The following ICA1L variants were observed in gnomAD, a reference collection of about 807,000 sequenced individuals.
ICA1L encodes the protein islet cell autoantigen 1 like.
ICA1L carries 50 observed loss-of-function variants against 61.3 expected under a neutral mutation model. That is an observed-to-expected ratio of 0.82 (90% CI 0.65 to 1.03). The LOEUF (loss-of-function observed/expected upper bound fraction) is 1.03, where lower values mean the gene tolerates loss of function less well. ICA1L is among the 50% of genes least tolerant of loss of function. The pLI is 0.00. For missense variants in ICA1L, 508 were observed against 556.7 expected (o/e 0.91, Z 0.88); for synonymous variants, 161 against 191.3 (o/e 0.84, Z 1.31).
chr2:202,779,749 G>GA (rs1692335968), intron 12 of ICA1L, 101 bp from the exon 13 acceptor site: 1 of 622,908 alleles, frequency 1.6e-6, no homozygotes, highest in Admixed American at 3.3e-5. Flanking sequence ...TTTGGATTAA[G>GA]AAAAAATTAA....
intron 3 of ICA1L, among the ~76,000 whole-genome samples, chr2:202,823,356 C>T (rs1275076856): frequency 1.3e-5 from 2 of 152,200 alleles, no homozygotes; most frequent in Admixed American, 1.3e-4. Flanking sequence ...TATTTATACA[C>T]AATCTTGAAG....
In ICA1L at chr2:202,774,121, C is replaced by T. The variant is rs1017937748; in HGVS notation, c.*5412G>A. 7.5e-7 allele frequency: 1 copy of T among 1,333,140 alleles called. No homozygotes were observed. The highest frequency in any genetic ancestry group is 1.1e-6 in the Non-Finnish European group (1 of 951,032). 82.6% of individuals were successfully genotyped at this position (1,333,140 alleles called of 1,614,324 possible). A position where few individuals can be genotyped will look rare whatever the true frequency, so the allele number is the denominator to read the frequency against. ...CATCAATGATTGGATAAGCTATTCT[C>T]AACTCTTCATTAATCAATTCATTTG... On this transcript the variant is annotated 3_prime_UTR_variant, in exon 13 of 13. Transcript: ENST00000358299.
intron 1 of ICA1L, among the ~76,000 whole-genome samples, chr2:202,831,128 G>A (rs1694004982): frequency 6.6e-6 from 1 of 152,140 alleles, no homozygotes; most frequent in Non-Finnish European, 1.5e-5. Flanking sequence ...CCACAAAGTG[G>A]CCAATTTTCC....
Position 202,774,636 on chromosome 2 carries a change from G to A in ICA1L, c.*4897C>T, listed in dbSNP as rs1017292589. 14 of 243,628 alleles carry A rather than the reference G, an allele frequency of 5.7e-5. No homozygotes were observed. In the South Asian group the frequency reaches 1.7e-3, roughly 29 times the overall value. The allele number at this position is 243,628 out of a possible 1,614,324, so 15.1% of individuals were successfully genotyped here. ...TGGGAGGGGGCTCAGCCAAGCAGGT[G>A]GGGAGCGGAGAGGCCTAAGACATGG... On this transcript the variant is annotated 3_prime_UTR_variant, in exon 13 of 13. Transcript: ENST00000358299.
intron 6 of ICA1L, among the ~76,000 whole-genome samples, chr2:202,816,373 T>C (rs1004746577): frequency 6.6e-6 from 1 of 152,220 alleles, no homozygotes; most frequent in Admixed American, 6.5e-5. Context: ...GAGGAACATA[T>C]GTGTAATCTT....
rs184807691 is a variant in ICA1L, at chr2:202,849,345, C to T, written c.-7-20329G>A. 7.2e-5 allele frequency among the ~76,000 whole-genome samples: 11 copies of T among 152,268 alleles called. No homozygotes were observed. The East Asian group carries it at 2.1e-3, about 29-fold the overall frequency. ...AGCCAAGTGGTCTCGCTCAGTGGGT[C>T]CCACTCCCACAGAGCCCAGCAAGCT... On this transcript the variant is annotated intron_variant, in intron 1 of 12. Coordinates refer to ENST00000358299, the MANE Select transcript of ICA1L (RefSeq NM_001288622.3). This position sits in a 1 kb window ranked among gnomAD's most constrained non-coding sequence, Gnocchi z 4.5.
intron 8 of ICA1L, among the ~76,000 whole-genome samples, chr2:202,813,618 G>A (rs1559135714): frequency 1.3e-5 from 2 of 152,108 alleles, no homozygotes; most frequent in African/African-American, 4.8e-5. Context: ...TCCAAGGCGC[G>A]TTGGGCTTTA....
chr2:202,828,024 TTGGGCTGGGCACAG>T (rs1302773527), intron 2 of ICA1L, among the ~76,000 whole-genome samples: 1 of 152,134 alleles, frequency 6.6e-6, no homozygotes, highest in African/African-American at 2.4e-5. Context: ...AAATTCAGAC[TTGGGCTGGGCACAG>T]TGGCTTACCT....
chr2:202,845,498 G>A (rs551418906), intron 1 of ICA1L, among the ~76,000 whole-genome samples: 1 of 152,008 alleles, frequency 6.6e-6, no homozygotes, highest in Non-Finnish European at 1.5e-5. Context: ...GTGGTGGCAG[G>A]CACCTGTAAT....
At chr2:202,790,232 A>G (rs1460173728) in intron 10 of ICA1L, among the ~76,000 whole-genome samples, 1 of 152,150 alleles carries the variant, frequency 6.6e-6, no homozygotes, top group African/African-American at 2.4e-5. Context: ...GAAAAATCCC[A>G]TCCCTTAAAC....
intron 4 of ICA1L, 115 bp from the exon 5 acceptor site, chr2:202,820,014 A>T (rs567739276): frequency 1.3e-6 from 1 of 753,946 alleles, no homozygotes; most frequent in South Asian, 1.8e-5. Context: ...CAAGTAAAAA[A>T]TTATTCAGTT....
intron 1 of ICA1L, among the ~76,000 whole-genome samples, chr2:202,859,489 T>C (rs1454722043): frequency 2.6e-5 from 4 of 152,204 alleles, no homozygotes; most frequent in Non-Finnish European, 5.9e-5. Context: ...GTGCTATGAT[T>C]GGCACTGTAA....
rs567744609 is a variant in ICA1L, at chr2:202,840,892, C to T, written c.-7-11876G>A. 63 of 682,448 alleles carry T rather than the reference C, an allele frequency of 9.2e-5. 1 individual carries two copies. The highest frequency in any genetic ancestry group is 4.4e-4 in the South Asian group (31 of 70,714). 42.3% of individuals were successfully genotyped at this position (682,448 alleles called of 1,614,324 possible). A position where few individuals can be genotyped will look rare whatever the true frequency, so the allele number is the denominator to read the frequency against. On this transcript the variant is annotated intron_variant, in intron 1 of 12. Coordinates refer to ENST00000358299, the MANE Select transcript of ICA1L (RefSeq NM_001288622.3). ...GTCTTTGCATGCCGCAGGTCATCCC[C>T]GTGCTTCCCAGCCAGCGTCTGCAGT...
At chr2:202,813,282 A>G (rs973347333) in intron 8 of ICA1L, among the ~76,000 whole-genome samples, 6 of 151,958 alleles carry the variant, frequency 3.9e-5, no homozygotes, top group Non-Finnish European at 7.4e-5. Context: ...AAGTCAATAT[A>G]TAAATTCACA....
At chr2:202,815,886 C>T (rs200033835) in intron 7 of ICA1L, 25 bp downstream of exon 7, 1 of 1,375,444 alleles carries the variant, frequency 7.3e-7, no homozygotes, top group Non-Finnish European at 9.9e-7. Flanking sequence ...TACATCTAAA[C>T]AAGAGAACAT....
At position 202,774,174 on chromosome 2, in the gene ICA1L, T is replaced by TGGA; in HGVS notation, c.*5356_*5358dup. On this transcript the variant is annotated 3_prime_UTR_variant, in exon 13 of 13. Coordinates refer to ENST00000358299, the MANE Select transcript of ICA1L (RefSeq NM_001288622.3). ...GATGCTTCATATCTGAGCGGCTTCTTGGAGAGCGGGCACACCAGGAACTCC... is the reference window on the plus strand; with the variant it reads ...GATGCTTCATATCTGAGCGGCTTCTTGGAGGAGAGCGGGCACACCAGGAACTCC... 1 of 1,550,122 alleles carries TGGA rather than the reference T, an allele frequency of 6.5e-7. No homozygotes were observed. The highest frequency in any genetic ancestry group is 1.2e-5 in the South Asian group (1 of 84,044).
In ICA1L at chr2:202,867,472, T is replaced by G. The variant is rs189338380; in HGVS notation, c.-8+4147A>C. 7.1e-4 allele frequency among the ~76,000 whole-genome samples: 108 copies of G among 152,350 alleles called. No homozygotes were observed. In the Middle Eastern group the frequency reaches 0.014, roughly 19 times the overall value. ...ACTGCAACACAATGATGGTAAGTAT[T>G]TGTGTATCTAAACATGTCTAACCAC... On this transcript the variant is annotated intron_variant, in intron 1 of 12. Coordinates refer to ENST00000358299, the MANE Select transcript of ICA1L (RefSeq NM_001288622.3).
intron 1 of ICA1L, among the ~76,000 whole-genome samples, chr2:202,839,248 C>T (rs1574369042): frequency 6.6e-6 from 1 of 152,082 alleles, no homozygotes; most frequent in East Asian, 1.9e-4. Context: ...AGCCTGTAAT[C>T]CCAGCACTTT....
At chr2:202,815,861 C>G in intron 7 of ICA1L, 50 bp downstream of exon 7, 2 of 1,094,132 alleles carry the variant, frequency 1.8e-6, no homozygotes, top group African/African-American at 1.6e-5. Context: ...ATGTTATCAC[C>G]CAAATGAAGA....
Sources: allele counts gnomAD v4.1 joint callset (sites outside exome capture counted in the v4.1 genomes callset), GRCh38; gene constraint gnomAD v4.1.1; non-coding constraint Gnocchi (gnomAD v3.1); transcripts MANE v1.5; gene names NCBI Gene and HGNC (gene_info 2026-07-23, HGNC 2026-07-21).